ZNF385C: variants seen among roughly 807,000 people sequenced by gnomAD.
ZNF385C encodes the protein CTD-2132N18.2.
In ZNF385C, 28 loss-of-function variants were observed where a neutral mutation model predicts 35.4. The observed-to-expected ratio is 0.79, with a 90% CI of 0.59 to 1.08. The LOEUF (loss-of-function observed/expected upper bound fraction) is 1.08. Ranked by LOEUF, ZNF385C falls within the 50% of genes least tolerant of loss-of-function variation. The pLI is 0.00. For synonymous variants in ZNF385C, 248 were observed against 248.2 expected (o/e 1.00, Z 0.01); for missense variants, 605 against 595.6 (o/e 1.02, Z -0.16).
chr17:42,054,853 A>T (rs1051069629), intron 2 of ZNF385C, among the ~76,000 whole-genome samples: 3 of 152,084 alleles, frequency 2.0e-5, no homozygotes, highest in Non-Finnish European at 4.4e-5. Context: ...AAGTGTTAGG[A>T]TTACAGGTGT....
Position 42,062,875 on chromosome 17 carries a change from T to A in ZNF385C, c.182A>T (p.His61Leu). The A allele has an allele frequency of 1.5e-6, 1 of 666,244 alleles. No individual in the cohort carries two copies. The highest frequency in any genetic ancestry group is 2.7e-6 in the Non-Finnish European group (1 of 367,984). 41.3% of individuals were successfully genotyped at this position (666,244 alleles called of 1,614,324 possible). Residue 61 changes from histidine (H) to leucine (L), a missense_variant, in exon 2 of 9, where the codon CAC (histidine) becomes CTC (leucine). Coordinates refer to ENST00000692273, the MANE Select transcript of ZNF385C (RefSeq NM_001392013.1). ...QLNSAAQAQV[H>L]CGGRAHQRRL... is the part of the protein sequence containing the mutation. The stretch of plus-strand genomic sequence containing the variant: ...CCTCTGGTGGGCCCGCCCCCCACAG[T>A]GCACCTGGGCCTGGGCCGCCGAGTT...
chr17:42,044,307 CAAAAAAAAAAA>C (rs57246793), intron 2 of ZNF385C, among the ~76,000 whole-genome samples: 2 of 70,548 alleles, frequency 2.8e-5, no homozygotes, highest in African/African-American at 6.0e-5. Context: ...GACCCTGTCT[CAAAAAAAAAAA>C]AAAAAAAAAA....
intron 1 of ZNF385C, among the ~76,000 whole-genome samples, chr17:42,090,890 G>C (rs1321210489): frequency 6.6e-6 from 1 of 151,900 alleles, no homozygotes; most frequent in Non-Finnish European, 1.5e-5. Flanking sequence ...TCAAAAAAAA[G>C]AGAACCTATC....
rs1555654139 is a variant in ZNF385C, at chr17:42,025,937, T to G, written c.*960A>C. 1 of 152,196 alleles carries G rather than the reference T, an allele frequency of 6.6e-6. No homozygotes were observed. The highest frequency in any genetic ancestry group is 1.5e-5 in the Non-Finnish European group (1 of 68,070). The allele number at this position is 152,196 out of a possible 1,614,324, so 9.4% of individuals were successfully genotyped here. ...AGTGGGAAGCTGTAGGGGAAAGCTC[T>G]TCCTTTGGGAGCTCTGCGGGGGGTT... On this transcript the variant is annotated 3_prime_UTR_variant, in exon 9 of 9. Coordinates refer to ENST00000692273, the MANE Select transcript of ZNF385C (RefSeq NM_001392013.1).
intron 7 of ZNF385C, 104 bp from the exon 8 acceptor site, chr17:42,027,832 C>A: frequency 7.6e-7 from 1 of 1,317,768 alleles, no homozygotes; most frequent in Non-Finnish European, 1.1e-6. Context: ...CTCATACATC[C>A]AAAGCACACA....
chr17:42,027,937 C>T (rs1598176990), intron 7 of ZNF385C, 113 bp downstream of exon 7: 1 of 1,402,518 alleles, frequency 7.1e-7, no homozygotes, highest in East Asian at 2.3e-5. Context: ...CCTCGCTTCT[C>T]CAGCCTGCTC....
In ZNF385C at chr17:42,026,658, G is replaced by C. The variant is rs1189634490; in HGVS notation, c.*239C>G. The C allele has an allele frequency of 1.7e-6, 1 of 578,466 alleles. No homozygotes were observed. Among genetic ancestry groups the C allele is most frequent in the Non-Finnish European group, 3.1e-6 (1 of 323,884 alleles). 35.8% of individuals were successfully genotyped at this position (578,466 alleles called of 1,614,324 possible). A position where few individuals can be genotyped will look rare whatever the true frequency, so the allele number is the denominator to read the frequency against. On this transcript the variant is annotated 3_prime_UTR_variant, in exon 9 of 9. Transcript: ENST00000692273. Reference sequence around the variant, plus strand: ...CTGAGATTTTGCATAGATCTTTGGGGTCTGTCAGGGTGGGAAATGCAGGCA... The same window carrying C: ...CTGAGATTTTGCATAGATCTTTGGGCTCTGTCAGGGTGGGAAATGCAGGCA...
intron 2 of ZNF385C, 176 bp downstream of exon 2, chr17:42,062,631 G>A (rs1196651753): frequency 2.7e-5 from 11 of 402,042 alleles, no homozygotes; most frequent in Non-Finnish European, 2.2e-5. Flanking sequence ...TTGTCCAGAT[G>A]CAGAATAAAA....
intron 2 of ZNF385C, among the ~76,000 whole-genome samples, chr17:42,046,241 G>A (rs1390579389): frequency 6.6e-6 from 1 of 151,862 alleles, no homozygotes; most frequent in South Asian, 2.1e-4. Flanking sequence ...TTCATATCTC[G>A]TAAGTCCCTG....
Position 42,028,964 on chromosome 17 carries a change from A to C in ZNF385C, c.786T>G (p.Ser262=), listed in dbSNP as rs1175421119. 2 of 1,550,612 alleles carry C rather than the reference A, an allele frequency of 1.3e-6. No homozygotes were observed. Among genetic ancestry groups the C allele is most frequent in the South Asian group, 2.4e-5 (2 of 84,066 alleles). Residue 262 remains serine, a synonymous_variant, in exon 6 of 9, where the codon TCT becomes TCG. Coordinates refer to ENST00000692273, the MANE Select transcript of ZNF385C (RefSeq NM_001392013.1). ...SELLDAASSS[S]SSSCPPCSPE... is the part of the protein sequence containing the mutation. ...GGGAGCAAGGTGGGCAGGAGGAAGA[A>C]GAGGATGAGGAGGCAGCATCCAAGA...
chr17:42,088,486 G>A (rs1555660268), intron 1 of ZNF385C, among the ~76,000 whole-genome samples: 2 of 152,268 alleles, frequency 1.3e-5, no homozygotes, highest in African/African-American at 2.4e-5. Flanking sequence ...CTGTTTCACC[G>A]CCAGGTCTGC....
At chr17:42,066,114 C>T (rs1180158640) in intron 1 of ZNF385C, among the ~76,000 whole-genome samples, 1 of 152,166 alleles carries the variant, frequency 6.6e-6, no homozygotes, top group Non-Finnish European at 1.5e-5. Context: ...GGCTGGAATG[C>T]AGTGGCACTA....
intron 1 of ZNF385C, among the ~76,000 whole-genome samples, chr17:42,085,621 A>T (rs2053798378): frequency 7.5e-6 from 1 of 133,706 alleles, no homozygotes; most frequent in Non-Finnish European, 1.6e-5. Flanking sequence ...TTTTTGAGAC[A>T]GAGTCTCACT....
intron 1 of ZNF385C, among the ~76,000 whole-genome samples, chr17:42,090,149 T>A (rs547728672): frequency 2.6e-4 from 40 of 152,102 alleles, no homozygotes; most frequent in Middle Eastern, 3.4e-3. Context: ...CTGCCTTGAG[T>A]GCTCTTTTCC....
chr17:42,061,207 ATTTTTTTTTTTTTTTTTTT>A (rs10617911), intron 2 of ZNF385C: 1 of 57,454 alleles, frequency 1.7e-5, no homozygotes, highest in East Asian at 6.9e-4. Flanking sequence ...TAATGAGTTA[ATTTTTTTTTTTTTTTTTTT>A]TTTTTTTTTT....
intron 2 of ZNF385C, among the ~76,000 whole-genome samples, chr17:42,053,883 G>C (rs1555657336): frequency 1.3e-5 from 2 of 152,070 alleles, no homozygotes; most frequent in African/African-American, 2.4e-5. Context: ...GCGGAGTGCA[G>C]AACGAGGAGC....
chr17:42,064,011 C>T (rs1260526688), intron 1 of ZNF385C, among the ~76,000 whole-genome samples: 2 of 151,562 alleles, frequency 1.3e-5, no homozygotes, highest in Non-Finnish European at 2.9e-5. Context: ...GCCTTGCTGC[C>T]TGGGTCGGCT....
chr17:42,076,069 G>C (rs1361644968), intron 1 of ZNF385C, among the ~76,000 whole-genome samples: 1 of 152,124 alleles, frequency 6.6e-6, no homozygotes, highest in African/African-American at 2.4e-5. Context: ...GGGCTTGCTG[G>C]CTCTCCCATT....
rs1598186462 is a variant in ZNF385C at position 42,043,019 on chromosome 17, C to T, written c.251-5134G>A. 8.1e-6 allele frequency: 10 copies of T among 1,232,244 alleles called. No individual in the cohort carries two copies. In the East Asian group the frequency reaches 1.6e-4, roughly 19 times the overall value. 76.3% of individuals were successfully genotyped at this position (1,232,244 alleles called of 1,614,324 possible). A position where few individuals can be genotyped will look rare whatever the true frequency, so the allele number is the denominator to read the frequency against. On this transcript the variant is annotated intron_variant, in intron 2 of 8. Coordinates refer to ENST00000692273, the MANE Select transcript of ZNF385C (RefSeq NM_001392013.1). Reference sequence around the variant, plus strand: ...TTGGCCGGGTCTAACTCCACCTTGACGCCCCTGGAGGCAGGGGTCGTAGCC... The same window carrying T: ...TTGGCCGGGTCTAACTCCACCTTGATGCCCCTGGAGGCAGGGGTCGTAGCC...
Sources: gnomAD v4.1 joint callset for allele counts (sites outside exome capture counted in the v4.1 genomes callset) on GRCh38, gnomAD v4.1.1 for gene constraint, MANE v1.5 for transcripts, NCBI Gene and HGNC (gene_info 2026-07-23, HGNC 2026-07-21) for gene names.